CHRDL1: variants seen among roughly 807,000 people sequenced by gnomAD.
CHRDL1 encodes chordin-like protein 1.
In CHRDL1, 19 loss-of-function variants were observed where a neutral mutation model predicts 40.9. That is an observed-to-expected ratio of 0.46 (90% CI 0.32 to 0.68). The LOEUF (loss-of-function observed/expected upper bound fraction) is 0.68, where lower values mean the gene tolerates loss of function less well. Among genes scored for constraint, CHRDL1 ranks in the 30% least tolerant of loss-of-function variants. The pLI is 0.03. For synonymous variants in CHRDL1, 136 were observed against 123.4 expected, an observed-to-expected ratio of 1.10 and a Z score of -0.68; for missense variants, 329 against 352.1, an observed-to-expected ratio of 0.93 and a Z score of 0.53.
rs2069750465 is a variant in CHRDL1, at chrX:110,675,298, T to C, written c.*933A>G. The C allele has an allele frequency of 9.0e-6, 1 of 111,661 alleles. No homozygotes were observed. The highest frequency in any genetic ancestry group is 1.9e-5 in the Non-Finnish European group (1 of 53,073). The allele number at this position is 111,661 out of a possible 1,213,427, so 9.2% of individuals were successfully genotyped here. On this transcript the variant is annotated 3_prime_UTR_variant, in exon 12 of 12. Coordinates refer to ENST00000372042, the MANE Select transcript of CHRDL1 (RefSeq NM_001143981.2). Reference sequence around the variant, plus strand: ...AAGCAAAAAGATGGCCTTTTTGAATTCTATCAACTTCTTTCTTCAACAATT... The same window carrying C: ...AAGCAAAAAGATGGCCTTTTTGAATCCTATCAACTTCTTTCTTCAACAATT...
intron 8 of CHRDL1, among the ~76,000 whole-genome samples, chrX:110,689,564 ATATATATC>A (rs1289800722): frequency 0.023 from 436 of 18,692 alleles, 13 homozygotes; most frequent in Middle Eastern, 0.034. Context: ...CTATATATCT[ATATATATC>A]TATATATCTA....
At chrX:110,746,138 C>T (rs1223293792) in intron 4 of CHRDL1, among the ~76,000 whole-genome samples, 3 of 111,277 alleles carry the variant, frequency 2.7e-5, no homozygotes, top group East Asian at 2.8e-4. Flanking sequence ...TGTGCTGATC[C>T]TCCCTGGTTT....
At chrX:110,774,939 G>A (rs1245690475) in intron 2 of CHRDL1, among the ~76,000 whole-genome samples, 1 of 111,764 alleles carries the variant, frequency 8.9e-6, no homozygotes, top group Admixed American at 9.5e-5. Flanking sequence ...TCAAAGTAAT[G>A]CTTGCATACT....
chrX:110,773,915 T>C (rs1207907400), intron 2 of CHRDL1, among the ~76,000 whole-genome samples: 1 of 110,229 alleles, frequency 9.1e-6, no homozygotes, highest in Non-Finnish European at 1.9e-5. Flanking sequence ...GATGATTAAA[T>C]TGAACTATGT....
chrX:110,698,060 C>G (rs1156255236), intron 7 of CHRDL1, among the ~76,000 whole-genome samples: 2 of 111,542 alleles, frequency 1.8e-5, no homozygotes, highest in African/African-American at 3.3e-5. Context: ...GCAAAAGAAA[C>G]CAGTCAGCTG....
chrX:110,697,664 G>A (rs954964450), intron 7 of CHRDL1, among the ~76,000 whole-genome samples: 3 of 109,346 alleles, frequency 2.7e-5, no homozygotes, highest in Non-Finnish European at 3.8e-5. Context: ...TATCCCAAAC[G>A]CTTTCACTTT....
At chrX:110,716,983 T>C (rs1423110665) in intron 6 of CHRDL1, among the ~76,000 whole-genome samples, 2 of 111,736 alleles carry the variant, frequency 1.8e-5, no homozygotes, top group Non-Finnish European at 3.8e-5. Flanking sequence ...AATCAGGAAC[T>C]GAAATTGGTT....
Position 110,736,818 on chromosome X carries a change from C to T in CHRDL1, c.302-15288G>A, listed in dbSNP as rs946910009. Among the ~76,000 whole-genome samples the T allele has an allele frequency of 5.4e-5, 6 of 112,082 alleles. No individual in the cohort carries two copies. The South Asian group carries it at 1.9e-3, about 35-fold the overall frequency. On this transcript the variant is annotated intron_variant, in intron 4 of 11. Coordinates refer to ENST00000372042, the MANE Select transcript of CHRDL1 (RefSeq NM_001143981.2). ...GATTAGGAACTAATATTTACTGGCT[C>T]ATGCTTACACTGAGCTGGTTCTGTG...
At chrX:110,703,471 T>C (rs1279949935) in intron 6 of CHRDL1, among the ~76,000 whole-genome samples, 1 of 111,995 alleles carries the variant, frequency 8.9e-6, no homozygotes, top group Admixed American at 9.6e-5. Context: ...ATTTCAACTA[T>C]GTTTATAACT....
chrX:110,700,870 G>A, intron 6 of CHRDL1, 149 bp from the exon 7 acceptor site: 1 of 415,623 alleles, frequency 2.4e-6, no homozygotes, highest in Non-Finnish European at 4.1e-6. Context: ...AAGCGGCTGT[G>A]AAAGATTTCT....
intron 9 of CHRDL1, among the ~76,000 whole-genome samples, chrX:110,684,475 A>G (rs1304535169): frequency 3.6e-5 from 4 of 111,459 alleles, no homozygotes; most frequent in South Asian, 3.8e-4. Flanking sequence ...CTCTATTCAA[A>G]TATCTTTAGA....
At chrX:110,737,369 C>T (rs181736749) in intron 4 of CHRDL1, among the ~76,000 whole-genome samples, 121 of 111,742 alleles carry the variant, frequency 1.1e-3, no homozygotes, top group African/African-American at 3.8e-3. Flanking sequence ...TCTGCAGAAC[C>T]TAAAAATAGT....
rs997995948 is a variant in CHRDL1, at chrX:110,788,555, G to T, written c.94+3533C>A. ...TGTCAGACAAGGAGAGACGTGAAGG[G>T]TTTATGACCCAGGCCTACTCTTACC... On this transcript the variant is annotated intron_variant, in intron 2 of 11. Transcript: ENST00000372042. 2.7e-5 allele frequency among the ~76,000 whole-genome samples: 3 copies of T among 111,819 alleles called. No homozygotes were observed. The Admixed American group carries it at 2.9e-4, about 11-fold the overall frequency.
chrX:110,732,026 G>T (rs1328364229), intron 4 of CHRDL1, among the ~76,000 whole-genome samples: 1 of 109,584 alleles, frequency 9.1e-6, no homozygotes, highest in African/African-American at 3.4e-5. Flanking sequence ...ACCTCCAAAC[G>T]TTATACAATA....
intron 7 of CHRDL1, among the ~76,000 whole-genome samples, chrX:110,697,814 CCACACACACACACACACA>C (rs60454872): frequency 0.023 from 1,242 of 55,093 alleles, 62 homozygotes; most frequent in African/African-American, 0.061. Context: ...CCACACCACT[CCACACACACACACACACA>C]CACACACACA....
chrX:110,770,985 A>G (rs1276932472), intron 2 of CHRDL1, among the ~76,000 whole-genome samples: 2 of 110,255 alleles, frequency 1.8e-5, no homozygotes, highest in Non-Finnish European at 3.8e-5. Context: ...TGTCTCTATT[A>G]AAAATACAAA....
At chrX:110,686,842 C>A (rs777131071) in intron 9 of CHRDL1, among the ~76,000 whole-genome samples, 18 of 102,862 alleles carry the variant, frequency 1.7e-4, no homozygotes. Flanking sequence ...CGAGATCATG[C>A]CACTGCACTC....
chrX:110,761,571 C>T (rs2089563736), intron 3 of CHRDL1, among the ~76,000 whole-genome samples: 1 of 111,859 alleles, frequency 8.9e-6, no homozygotes, highest in Non-Finnish European at 1.9e-5. Context: ...TTTTGCTCCC[C>T]AGGCAACTTG....
intron 8 of CHRDL1, among the ~76,000 whole-genome samples, chrX:110,689,434 ATATATCTATATATATC>A (rs2070115928): frequency 1.6e-5 from 1 of 61,635 alleles, no homozygotes; most frequent in African/African-American, 1.9e-4. Context: ...CTATATATCT[ATATATCTATATATATC>A]TATATATCTA....
Sources: allele counts gnomAD v4.1 joint callset (sites outside exome capture counted in the v4.1 genomes callset), GRCh38; gene constraint gnomAD v4.1.1; transcripts MANE v1.5; gene names NCBI Gene and HGNC (gene_info 2026-07-23, HGNC 2026-07-21).